Variants in DHRS7B observed in about 807,000 individuals in gnomAD.
DHRS7B encodes the protein dehydrogenase/reductase 7B.
DHRS7B carries 24 observed loss-of-function variants against 26.4 expected under a neutral mutation model. The ratio of observed to expected loss-of-function variants is 0.91; its 90% CI spans 0.66 to 1.28. DHRS7B has a LOEUF of 1.28. Among genes scored for constraint, DHRS7B ranks in the 50% most tolerant of loss-of-function variants. The pLI is 0.00. For synonymous variants in DHRS7B, 142 were observed against 166.4 expected, an observed-to-expected ratio of 0.85 and a Z score of 1.13; for missense variants, 368 against 419.4, an observed-to-expected ratio of 0.88 and a Z score of 1.07.
chr17:21,140,869 C>G (rs547241721), intron 1 of DHRS7B, among the ~76,000 whole-genome samples: 1 of 152,230 alleles, frequency 6.6e-6, no homozygotes, highest in South Asian at 2.1e-4. Context: ...TCTCCTCATT[C>G]TTCGATTATT....
chr17:21,191,048 C>CT lies in DHRS7B; in HGVS notation c.875dup (p.Leu292PhefsTer38). 1 of 1,614,264 alleles carries CT rather than the reference C, an allele frequency of 6.2e-7. No homozygotes were observed. The highest frequency in any genetic ancestry group is 1.7e-5 in the Admixed American group (1 of 60,030). On this transcript the variant is annotated frameshift_variant, in exon 7 of 7. Coordinates refer to ENST00000395511, the MANE Select transcript of DHRS7B (RefSeq NM_015510.5). LOFTEE classifies it high-confidence loss of function. ...AGAAGAAAGATGTGATCCTGGCTGA[C>CT]TTACTGCCTTCCTTGGCTGTTTATC...
intron 1 of DHRS7B, among the ~76,000 whole-genome samples, chr17:21,162,132 G>A (rs904870217): frequency 2.0e-5 from 3 of 151,808 alleles, no homozygotes; most frequent in African/African-American, 7.3e-5. Context: ...CTAACTTTGT[G>A]AGGAAACCAA....
At chr17:21,156,450 C>G (rs1293547864) in intron 1 of DHRS7B, among the ~76,000 whole-genome samples, 3 of 149,644 alleles carry the variant, frequency 2.0e-5, no homozygotes, top group Admixed American at 6.7e-5. Flanking sequence ...TACAAAAATA[C>G]AAAAGTTAGC....
Position 21,188,858 on chromosome 17 carries a change from A to G in DHRS7B, c.767A>G (p.Tyr256Cys). ...VNAITADGSR[Y>C]GVMDTTTAQG... ...GCCATCACCGCGGATGGATCTAGGTATGGAGGTGAGGCCCGGTTTCTCTTT... is the reference window on the plus strand; with the variant it reads ...GCCATCACCGCGGATGGATCTAGGTGTGGAGGTGAGGCCCGGTTTCTCTTT... The change falls in exon 6 of 7, where the codon TAT becomes TGT. Residue 256 changes from tyrosine (Y) to cysteine (C), a missense_variant. Transcript: ENST00000395511. The G allele has an allele frequency of 5.6e-6, 9 of 1,614,164 alleles. No individual in the cohort carries two copies. The highest frequency in any genetic ancestry group is 7.6e-6 in the Non-Finnish European group (9 of 1,180,028).
At chr17:21,137,747 G>A (rs570848762) in intron 1 of DHRS7B, among the ~76,000 whole-genome samples, 3 of 151,936 alleles carry the variant, frequency 2.0e-5, no homozygotes, top group Non-Finnish European at 2.9e-5. Context: ...GTGAGCCACC[G>A]CACCCGGCCT....
At chr17:21,143,216 C>T (rs1474718011) in intron 1 of DHRS7B, among the ~76,000 whole-genome samples, 4 of 152,088 alleles carry the variant, frequency 2.6e-5, no homozygotes, top group South Asian at 2.1e-4. Flanking sequence ...TGTGAGCCAC[C>T]GCACCCAGCC....
chr17:21,138,101 T>A (rs10888209), intron 1 of DHRS7B, among the ~76,000 whole-genome samples: 1 of 86,146 alleles, frequency 1.2e-5, no homozygotes, highest in African/African-American at 5.6e-5. Context: ...TATATATATA[T>A]ACACACACAC....
At chr17:21,159,341 G>A (rs991047552) in intron 1 of DHRS7B, among the ~76,000 whole-genome samples, 3 of 151,160 alleles carry the variant, frequency 2.0e-5, no homozygotes, top group South Asian at 4.2e-4. Flanking sequence ...TCCGCCTCCC[G>A]GGTTCAAGTG....
chr17:21,181,923 G>A (rs1401168554), intron 3 of DHRS7B, among the ~76,000 whole-genome samples: 1 of 152,112 alleles, frequency 6.6e-6, no homozygotes, highest in African/African-American at 2.4e-5. Context: ...TCCAAATTGG[G>A]TCACTTTTTT....
At chr17:21,143,736 A>G (rs562905829) in intron 1 of DHRS7B, among the ~76,000 whole-genome samples, 2 of 152,190 alleles carry the variant, frequency 1.3e-5, no homozygotes, top group Admixed American at 6.5e-5. Flanking sequence ...TGAGGATCCA[A>G]TCTGGCAGCT....
intron 2 of DHRS7B, among the ~76,000 whole-genome samples, chr17:21,176,292 C>A (rs2144158098): frequency 6.6e-6 from 1 of 152,102 alleles, no homozygotes; most frequent in East Asian, 2.0e-4. Flanking sequence ...CCGGCCAGAA[C>A]ATTTTTACAA....
chr17:21,134,530 C>T (rs1597729698), intron 1 of DHRS7B, among the ~76,000 whole-genome samples: 1 of 152,166 alleles, frequency 6.6e-6, no homozygotes, highest in East Asian at 1.9e-4. Context: ...AAATATGAGG[C>T]CAGATTTTCC....
chr17:21,143,244 G>A (rs1973566330), intron 1 of DHRS7B, among the ~76,000 whole-genome samples: 1 of 152,040 alleles, frequency 6.6e-6, no homozygotes, highest in Admixed American at 6.5e-5. Context: ...TGTATTTTTA[G>A]TAGAGATGGG....
At position 21,162,778 on chromosome 17, in the gene DHRS7B, A is replaced by G. The variant is rs541737797; in HGVS notation, c.21-9240A>G. Among the ~76,000 whole-genome samples the G allele has an allele frequency of 3.3e-5, 5 of 152,376 alleles. No homozygotes were observed. The East Asian group carries it at 9.6e-4, about 29-fold the overall frequency. On this transcript the variant is annotated intron_variant, in intron 1 of 6. Coordinates refer to ENST00000395511, the MANE Select transcript of DHRS7B (RefSeq NM_015510.5). ...GGACAGCAGGCAAGAACGAACTTCT[A>G]GAGACCCAATTTTTCTTCTGCTTTC... is the stretch of plus-strand genomic sequence containing the variant.
At chr17:21,138,101 T>TATATATACACACACACAC in intron 1 of DHRS7B, among the ~76,000 whole-genome samples, 1 of 86,110 alleles carries the variant, frequency 1.2e-5, no homozygotes, top group South Asian at 4.8e-4. Context: ...TATATATATA[T>TATATATACACACACACAC]ACACACACAC....
intron 1 of DHRS7B, among the ~76,000 whole-genome samples, chr17:21,134,970 A>G (rs1346373129): frequency 6.6e-6 from 1 of 152,140 alleles, no homozygotes; most frequent in Non-Finnish European, 1.5e-5. Flanking sequence ...CTGATATCAC[A>G]ATCTCTAAAG....
rs577733383 is a variant in DHRS7B, at chr17:21,188,790, C to G, written c.699C>G (p.Thr233=). The change falls in exon 6 of 7, where the codon ACC becomes ACG. Residue 233 remains threonine (T), a synonymous_variant. Transcript: ENST00000395511. The part of the protein sequence containing the change: ...AEMEQYEIEV[T]VISPGYIHTN... ...TGGAACAGTATGAAATTGAGGTGAC[C>G]GTCATCAGCCCCGGCTACATCCACA... 7 of 1,613,908 alleles carry G rather than the reference C, an allele frequency of 4.3e-6. No homozygotes were observed. Among genetic ancestry groups the G allele is most frequent in the Non-Finnish European group, 5.9e-6 (7 of 1,180,022 alleles).
rs536471141 is a variant in DHRS7B, at chr17:21,172,232, G to T, written c.199+36G>T. The T allele has an allele frequency of 2.5e-6, 4 of 1,582,148 alleles. No homozygotes were observed. The South Asian group carries it at 3.4e-5, about 14-fold the overall frequency. ...GAGGCAGTGCTGCCAGGGGGCGGGG[G>T]TAAGTCAGCCAGGGATGAGGAGCGG... On this transcript the variant is annotated intron_variant, in intron 2 of 6. Coordinates refer to ENST00000395511, the MANE Select transcript of DHRS7B (RefSeq NM_015510.5).
intron 3 of DHRS7B, 149 bp downstream of exon 3, chr17:21,178,491 AC>A: frequency 1.6e-6 from 1 of 641,060 alleles, no homozygotes; most frequent in Middle Eastern, 4.2e-4. Context: ...TCCATAGCGA[AC>A]CGGGCCCACT....
Sources: gnomAD v4.1 joint callset for allele counts (sites outside exome capture counted in the v4.1 genomes callset) on GRCh38, gnomAD v4.1.1 for gene constraint, MANE v1.5 for transcripts, NCBI Gene and HGNC (gene_info 2026-07-23, HGNC 2026-07-21) for gene names.